The following NLN variants were observed in gnomAD, a reference collection of about 807,000 sequenced individuals.
NLN encodes the protein neurolysin.
In NLN, 64 loss-of-function variants were observed where a neutral mutation model predicts 79.9. The ratio of observed to expected loss-of-function variants is 0.80; its 90% confidence interval spans 0.65 to 0.99. NLN has a LOEUF of 0.99. Ranked by LOEUF, NLN falls within the 50% of genes least tolerant of loss-of-function variation. The pLI is 0.00. For synonymous variants in NLN, 267 were observed against 296.6 expected (o/e 0.90, Z 1.02); for missense variants, 835 against 858.7 (o/e 0.97, Z 0.34).
At chr5:65,822,215 A>G (rs1160731357) in intron 12 of NLN, among the ~76,000 whole-genome samples, 1 of 152,268 alleles carries the variant, frequency 6.6e-6, no homozygotes, top group African/African-American at 2.4e-5. Context: ...AAAACTTTCC[A>G]AAGGTCCTCA....
chr5:65,722,446 T>A, intron 1 of NLN, 32 bp downstream of exon 1: 4 of 1,562,770 alleles, frequency 2.6e-6, no homozygotes, highest in Non-Finnish European at 3.5e-6. Flanking sequence ...ACCTTGGCCG[T>A]GGGCAGGGCG....
chr5:65,814,895 C>T (rs923216573), intron 12 of NLN, among the ~76,000 whole-genome samples: 3 of 151,778 alleles, frequency 2.0e-5, no homozygotes, highest in Non-Finnish European at 4.4e-5. Flanking sequence ...CCATACAATA[C>T]GAATGTTGAT....
chr5:65,762,949 T>A lies in NLN; in HGVS notation c.302-11T>A. 6.2e-7 allele frequency: 1 copy of A among 1,612,112 alleles called. No individual in the cohort carries two copies. Among genetic ancestry groups the A allele is most frequent in the Admixed American group, 1.7e-5 (1 of 59,640 alleles). ...CTGTTGTGTGGTGATAGTTTTTTTC[T>A]CCATCTGCAGTGGAAAGGACCATGC... is the stretch of plus-strand genomic sequence containing the variant. On this transcript the variant is annotated splice_polypyrimidine_tract_variant and intron_variant, in intron 2 of 12. Transcript: ENST00000380985.
At chr5:65,764,387 C>G (rs560981126) in intron 3 of NLN, among the ~76,000 whole-genome samples, 79 of 152,158 alleles carry the variant, frequency 5.2e-4, no homozygotes, top group Non-Finnish European at 9.4e-4. Context: ...ATTAGCCAGG[C>G]ATGGTGGCAA....
At chr5:65,787,579 A>G (rs1242168827) in intron 7 of NLN, among the ~76,000 whole-genome samples, 3 of 152,214 alleles carry the variant, frequency 2.0e-5, no homozygotes, top group East Asian at 3.9e-4. Flanking sequence ...TGTGGTTCTC[A>G]GAAGTTTCTC....
intron 8 of NLN, 119 bp from the exon 9 acceptor site, chr5:65,792,335 A>T: frequency 1.5e-6 from 1 of 651,122 alleles, no homozygotes; most frequent in South Asian, 1.9e-5. Context: ...TAAAAGGTAA[A>T]TTAATGTTTA....
In NLN at chr5:65,810,031, T is replaced by C; in HGVS notation, c.1715-6T>C. On this transcript the variant is annotated splice_region_variant and splice_polypyrimidine_tract_variant and intron_variant, in intron 10 of 12. Coordinates refer to ENST00000380985, the MANE Select transcript of NLN (RefSeq NM_020726.5). ...AAAACATGCCCAAACATTCTTATGT[T>C]ATTAGGTCTTCTGACCCTGCGCCAG... is the stretch of plus-strand genomic sequence containing the variant. 1 of 1,613,624 alleles carries C rather than the reference T, an allele frequency of 6.2e-7. No individual in the cohort carries two copies. The highest frequency in any genetic ancestry group is 8.5e-7 in the Non-Finnish European group (1 of 1,179,886).
At chr5:65,758,867 G>C in intron 2 of NLN, 41 bp downstream of exon 2, 1 of 1,557,684 alleles carries the variant, frequency 6.4e-7, no homozygotes, top group Non-Finnish European at 8.8e-7. Context: ...TCACTTTGTG[G>C]ACATCTTAAA....
At chr5:65,759,410 G>C (rs902517264) in intron 2 of NLN, among the ~76,000 whole-genome samples, 4 of 151,966 alleles carry the variant, frequency 2.6e-5, no homozygotes, top group African/African-American at 4.8e-5. Context: ...CTGTGTGTGT[G>C]TGTGTGTAAG....
At chr5:65,804,942 A>G (rs113974910) in intron 9 of NLN, among the ~76,000 whole-genome samples, 4,890 of 152,086 alleles carry the variant, frequency 0.032, 114 homozygotes, top group Non-Finnish European at 0.048. Flanking sequence ...TGTCAGTGCA[A>G]TTTTTCCAAC....
chr5:65,795,084 G>A lies in NLN; in HGVS notation c.1527+2429G>A, dbSNP rs1160964916. Among the ~76,000 whole-genome samples, 3 of 152,150 alleles carry A rather than the reference G, an allele frequency of 2.0e-5. No homozygotes were observed. The East Asian group carries it at 5.8e-4, about 29-fold the overall frequency. ...TTTCATAGCACTGACTGGGCGTGGT[G>A]GTTCATGCCTGTAATCCCAGCACTT... On this transcript the variant is annotated intron_variant, in intron 9 of 12. Transcript: ENST00000380985.
rs753685043 is a variant in NLN, at chr5:65,758,696, T to C, written c.171T>C (p.Ile57=). The C allele has an allele frequency of 1.2e-6, 2 of 1,613,856 alleles. No individual in the cohort carries two copies. Among genetic ancestry groups the C allele is most frequent in the Admixed American group, 3.3e-5 (2 of 59,954 alleles). ...GATGGGATCTTTCACCAGAGCAAAT[T>C]AAAACAAGAACTGAGGAGCTCATTG... ...VLRWDLSPEQ[I]KTRTEELIVQ... Residue 57 remains isoleucine, a synonymous_variant, in exon 2 of 13, where the codon ATT becomes ATC. Coordinates refer to ENST00000380985, the MANE Select transcript of NLN (RefSeq NM_020726.5).
At chr5:65,816,553 A>G (rs990660419) in intron 12 of NLN, among the ~76,000 whole-genome samples, 1 of 151,850 alleles carries the variant, frequency 6.6e-6, no homozygotes, top group African/African-American at 2.4e-5. Flanking sequence ...AAAAAAAGAA[A>G]CAGAAAAATA....
rs938806038 is a variant in NLN, at chr5:65,827,375, A to G, written c.*4460A>G. ...ATGAGCTGGAACCTGTACTAGCTGCATATTTCATAGACCCCAGAGGCTCAC... is the reference window on the plus strand; with the variant it reads ...ATGAGCTGGAACCTGTACTAGCTGCGTATTTCATAGACCCCAGAGGCTCAC... On this transcript the variant is annotated 3_prime_UTR_variant, in exon 13 of 13. Transcript: ENST00000380985. The G allele has an allele frequency of 2.6e-5, 4 of 152,218 alleles. No individual in the cohort carries two copies. The highest frequency in any genetic ancestry group is 7.2e-5 in the African/African-American group (3 of 41,448). 9.4% of individuals were successfully genotyped at this position (152,218 alleles called of 1,614,324 possible). A position where few individuals can be genotyped will look rare whatever the true frequency, so the allele number is the denominator to read the frequency against.
At chr5:65,737,551 T>C (rs1456804084) in intron 1 of NLN, among the ~76,000 whole-genome samples, 1 of 152,204 alleles carries the variant, frequency 6.6e-6, no homozygotes, top group Non-Finnish European at 1.5e-5. Context: ...ATTCATTGAA[T>C]GGATGAATGA....
intron 3 of NLN, among the ~76,000 whole-genome samples, chr5:65,773,059 C>T (rs1206374251): frequency 6.6e-6 from 1 of 151,716 alleles, no homozygotes; most frequent in Non-Finnish European, 1.5e-5. Context: ...CTCAAGTGAT[C>T]CTCCCGCCTT....
At chr5:65,774,715 T>TTATA (rs201576019) in intron 3 of NLN, among the ~76,000 whole-genome samples, 15 of 134,078 alleles carry the variant, frequency 1.1e-4, no homozygotes, top group African/African-American at 2.5e-4. Flanking sequence ...CATATATAAA[T>TTATA]TATATATATA....
intron 12 of NLN, among the ~76,000 whole-genome samples, chr5:65,820,267 T>C (rs555622714): frequency 6.6e-6 from 1 of 152,362 alleles, no homozygotes; most frequent in South Asian, 2.1e-4. Context: ...AAATAAAAGA[T>C]ACATGATACA....
At chr5:65,786,785 C>G (rs1361730915) in intron 7 of NLN, among the ~76,000 whole-genome samples, 1 of 152,120 alleles carries the variant, frequency 6.6e-6, no homozygotes, top group Admixed American at 6.5e-5. Flanking sequence ...TCCCTTGAGC[C>G]CAGGAGTTCA....
Sources: gnomAD v4.1 joint callset for allele counts (sites outside exome capture counted in the v4.1 genomes callset) on GRCh38, gnomAD v4.1.1 for gene constraint, MANE v1.5 for transcripts, NCBI Gene and HGNC (gene_info 2026-07-23, HGNC 2026-07-21) for gene names.